Variants in NUP214 observed in about 807,000 individuals in gnomAD.
NUP214 encodes nucleoporin 214.
NUP214 carries 79 observed loss-of-function variants against 196.2 expected under a neutral mutation model. The observed-to-expected ratio is 0.40, with a 90% CI of 0.34 to 0.49. NUP214 has a LOEUF of 0.49. Ranked by LOEUF, NUP214 falls within the 20% of genes least tolerant of loss-of-function variation. NUP214 has a pLI of 0.58. For synonymous variants in NUP214, 1,020 were observed against 990.5 expected, an observed-to-expected ratio of 1.03 and a Z score of -0.56; for missense variants, 2,468 against 2,539.0, an observed-to-expected ratio of 0.97 and a Z score of 0.60.
Position 131,198,725 on chromosome 9 carries a change from C to G in NUP214, c.5231C>G (p.Ser1744Cys). ...GCGAGCAGTGCTGCAAGTGTCTTTT[C>G]CTTCAGTCAGCCTGGGTTCAGTTCC... The part of the protein sequence containing the change: ...QSASSAASVF[S>C]FSQPGFSSVP... Residue 1744 changes from serine to cysteine, a missense_variant, in exon 29 of 36, where the codon TCC (serine) becomes TGC (cysteine). Coordinates refer to ENST00000359428, the MANE Select transcript of NUP214 (RefSeq NM_005085.4). The G allele has an allele frequency of 6.2e-7, 1 of 1,614,210 alleles. No individual in the cohort carries two copies. Among genetic ancestry groups the G allele is most frequent in the Non-Finnish European group, 8.5e-7 (1 of 1,180,038 alleles).
chr9:131,139,080 C>G (rs1831827699), intron 9 of NUP214, among the ~76,000 whole-genome samples: 1 of 152,052 alleles, frequency 6.6e-6, no homozygotes, highest in Non-Finnish European at 1.5e-5. Flanking sequence ...AATTAACTTC[C>G]CATTTGCTGG....
At chr9:131,227,972 C>A (rs898098473) in intron 32 of NUP214, among the ~76,000 whole-genome samples, 188 bp from the exon 33 acceptor site, 4 of 48,914 alleles carry the variant, frequency 8.2e-5, no homozygotes, top group Non-Finnish European at 1.1e-4. Context: ...TTACTATTTT[C>A]TTGATAGAAG....
rs541439877 is a variant in NUP214 at position 131,233,835 on chromosome 9, G to A, written c.*348G>A. On this transcript the variant is annotated 3_prime_UTR_variant, in exon 36 of 36. Transcript: ENST00000359428. ...GATGGCATCAGAAGTCACCAGCGTCGGGTGTTGATAAACAGCATCGAATGT... is the reference window on the plus strand; with the variant it reads ...GATGGCATCAGAAGTCACCAGCGTCAGGTGTTGATAAACAGCATCGAATGT... The A allele has an allele frequency of 2.2e-5, 9 of 406,700 alleles. No homozygotes were observed. The highest frequency in any genetic ancestry group is 3.7e-5 in the Non-Finnish European group (8 of 216,104). 25.2% of individuals were successfully genotyped at this position (406,700 alleles called of 1,614,324 possible).
chr9:131,222,694 C>A, intron 31 of NUP214, 84 bp from the exon 32 acceptor site: 1 of 1,488,504 alleles, frequency 6.7e-7, no homozygotes, highest in Non-Finnish European at 9.0e-7. Flanking sequence ...TTCCAAACAC[C>A]CAACTGAGAC....
At chr9:131,145,385 C>CTCCCAAGATAACCATGAGT (rs1260942912) in intron 12 of NUP214, among the ~76,000 whole-genome samples, 2 of 152,112 alleles carry the variant, frequency 1.3e-5, no homozygotes, top group African/African-American at 2.4e-5. Flanking sequence ...CTTGTAACCC[C>CTCCCAAGATAACCATGAGT]TCCCAAGATA....
chr9:131,134,737 C>T (rs1333312377), intron 7 of NUP214, among the ~76,000 whole-genome samples, 161 bp from the exon 8 acceptor site: 1 of 152,142 alleles, frequency 6.6e-6, no homozygotes, highest in African/African-American at 2.4e-5. Flanking sequence ...AATGTTTGTA[C>T]TCCTTGTACT....
intron 18 of NUP214, among the ~76,000 whole-genome samples, chr9:131,161,621 C>A (rs990282811): frequency 2.0e-5 from 3 of 152,104 alleles, no homozygotes; most frequent in African/African-American, 7.2e-5. Flanking sequence ...TTCAAGTCAG[C>A]CCTGAACTCA....
intron 35 of NUP214, among the ~76,000 whole-genome samples, chr9:131,233,212 G>C (rs1477929199): frequency 6.6e-6 from 1 of 152,016 alleles, no homozygotes; most frequent in Non-Finnish European, 1.5e-5. Context: ...GGTGGTGCAT[G>C]CCTGTAATCC....
intron 31 of NUP214, among the ~76,000 whole-genome samples, chr9:131,219,772 C>A (rs907496748): frequency 6.6e-6 from 1 of 152,106 alleles, no homozygotes; most frequent in Non-Finnish European, 1.5e-5. Flanking sequence ...ATGAAGAAGC[C>A]GTTTGATGAT....
At chr9:131,128,561 T>C (rs1039499105) in intron 3 of NUP214, 78 bp downstream of exon 3, 2 of 1,298,134 alleles carry the variant, frequency 1.5e-6, no homozygotes, top group African/African-American at 3.0e-5. Flanking sequence ...ACTTGGAAGC[T>C]TCATAGGTTA....
intron 31 of NUP214, among the ~76,000 whole-genome samples, chr9:131,219,561 C>T (rs548001637): frequency 5.7e-4 from 87 of 152,208 alleles, no homozygotes; most frequent in Non-Finnish European, 1.1e-3. Flanking sequence ...AGAAGGGCTT[C>T]TTCTCTCTGT....
chr9:131,152,601 C>A (rs1832306626), intron 17 of NUP214, among the ~76,000 whole-genome samples: 1 of 152,072 alleles, frequency 6.6e-6, no homozygotes, highest in South Asian at 2.1e-4. Context: ...TCAAAGCCAG[C>A]TGCTCTGCAA....
chr9:131,144,560 T>A lies in NUP214; in HGVS notation c.1575T>A (p.Pro525=). 6.2e-7 allele frequency: 1 copy of A among 1,614,108 alleles called. No individual in the cohort carries two copies. Among genetic ancestry groups the A allele is most frequent in the Non-Finnish European group, 8.5e-7 (1 of 1,179,990 alleles). ...CATCAACCTTCTCTTTTGTTCCCCC[T>A]TCTAAAGCCTCCCTAGCCCCCACCC... ...PGPSTFSFVP[P]SKASLAPTPA... Residue 525 remains proline, a synonymous_variant, in exon 12 of 36, where the codon CCT becomes CCA. Transcript: ENST00000359428.
At position 131,144,359 on chromosome 9, in the gene NUP214, G is replaced by A; in HGVS notation, c.1374G>A (p.Leu458=). Reference sequence around the variant, plus strand: ...CTGCAGCTGCAGCCCCTGCCTCTCTGCCACCTTCATCACCTGCTGCTCCCA... The same window carrying A: ...CTGCAGCTGCAGCCCCTGCCTCTCTACCACCTTCATCACCTGCTGCTCCCA... ...DASAAAAPAS[L]PPSSPAAPIA... is the part of the protein sequence containing the mutation. Residue 458 remains leucine (L), a synonymous_variant, in exon 12 of 36, where the codon CTG becomes CTA. Coordinates refer to ENST00000359428, the MANE Select transcript of NUP214 (RefSeq NM_005085.4). 6.2e-7 allele frequency: 1 copy of A among 1,614,052 alleles called. No individual in the cohort carries two copies. Among genetic ancestry groups the A allele is most frequent in the Non-Finnish European group, 8.5e-7 (1 of 1,179,996 alleles).
chr9:131,133,028 A>G (rs1280109485), intron 6 of NUP214, 78 bp from the exon 7 acceptor site: 1 of 1,059,966 alleles, frequency 9.4e-7, no homozygotes, highest in Non-Finnish European at 1.5e-6. Context: ...CATAGTGGCT[A>G]TTCCAAACAT....
chr9:131,191,837 T>C lies in NUP214; in HGVS notation c.3575-371T>C, dbSNP rs147919257. On this transcript the variant is annotated intron_variant, in intron 26 of 35. Transcript: ENST00000359428. ...ACATTATATATAGTTTTATTTACTT[T>C]TGTGGGGAGGGGGCTTAGCCTCACA... 2.6e-3 allele frequency: 416 copies of C among 159,262 alleles called. 4 individuals carry two copies. Among genetic ancestry groups the C allele is most frequent in the African/African-American group, 9.7e-3 (406 of 41,914 alleles). The allele number at this position is 159,262 out of a possible 1,614,324, so 9.9% of individuals were successfully genotyped here.
At chr9:131,203,734 T>G (rs1478818499) in intron 30 of NUP214, among the ~76,000 whole-genome samples, 2 of 152,136 alleles carry the variant, frequency 1.3e-5, no homozygotes, top group African/African-American at 2.4e-5. Context: ...CATAAAAACC[T>G]TGTCTTTAAA....
At chr9:131,166,687 C>G (rs936621758) in intron 21 of NUP214, among the ~76,000 whole-genome samples, 1 of 152,148 alleles carries the variant, frequency 6.6e-6, no homozygotes, top group Non-Finnish European at 1.5e-5. Context: ...TAGAAGCCCT[C>G]TTGCATACCC....
intron 13 of NUP214, among the ~76,000 whole-genome samples, chr9:131,147,128 A>C (rs1187354567): frequency 6.6e-6 from 1 of 152,014 alleles, no homozygotes; most frequent in Non-Finnish European, 1.5e-5. Context: ...CTGGGACTAC[A>C]GGCATGTACC....
Sources: allele counts gnomAD v4.1 joint callset (sites outside exome capture counted in the v4.1 genomes callset), GRCh38; gene constraint gnomAD v4.1.1; transcripts MANE v1.5; gene names NCBI Gene and HGNC (gene_info 2026-07-23, HGNC 2026-07-21).